The following DPP6 variants were observed in gnomAD, a reference collection of about 807,000 sequenced individuals.
DPP6 encodes dipeptidyl peptidase like 6.
A neutral mutation model predicts 122.6 loss-of-function variants in DPP6; 69 were observed. The ratio of observed to expected loss-of-function variants is 0.56; its 90% CI spans 0.46 to 0.69. The LOEUF (loss-of-function observed/expected upper bound fraction) is 0.69. DPP6 is among the 30% of genes least tolerant of loss of function. DPP6 has a pLI of 0.00. For synonymous variants in DPP6, 418 were observed against 433.1 expected, an observed-to-expected ratio of 0.97 and a Z score of 0.43; for missense variants, 928 against 1,116.9, an observed-to-expected ratio of 0.83 and a Z score of 2.41.
intron 5 of DPP6, among the ~76,000 whole-genome samples, chr7:154,610,673 G>GTT (rs879735197): frequency 1.2e-4 from 18 of 146,526 alleles, no homozygotes; most frequent in Non-Finnish European, 2.6e-4. Context: ...TCCAATTTAT[G>GTT]TTTTTTTTTT....
At chr7:154,586,061 C>T (rs1832425137) in intron 5 of DPP6, among the ~76,000 whole-genome samples, 1 of 151,946 alleles carries the variant, frequency 6.6e-6, no homozygotes, top group South Asian at 2.1e-4. Flanking sequence ...ACCTGGAGCA[C>T]AGTATATGCA....
chr7:154,856,149 A>C (rs1271320019), intron 17 of DPP6, among the ~76,000 whole-genome samples: 1 of 152,256 alleles, frequency 6.6e-6, no homozygotes, highest in Non-Finnish European at 1.5e-5. Flanking sequence ...AAAACACAAA[A>C]GTATCTTTCA....
intron 17 of DPP6, among the ~76,000 whole-genome samples, chr7:154,867,180 G>C (rs1388044363): frequency 6.6e-6 from 1 of 152,156 alleles, no homozygotes; most frequent in Non-Finnish European, 1.5e-5. Flanking sequence ...CCATGTGTAG[G>C]CTTAGTGTGA....
intron 1 of DPP6, among the ~76,000 whole-genome samples, chr7:154,325,964 T>C (rs1364562919): frequency 6.6e-6 from 1 of 152,170 alleles, no homozygotes; most frequent in African/African-American, 2.4e-5. Flanking sequence ...CCTGACACTT[T>C]TATTGACCAA....
At chr7:154,163,667 A>T (rs1289861994) in intron 1 of DPP6, among the ~76,000 whole-genome samples, 1 of 152,142 alleles carries the variant, frequency 6.6e-6, no homozygotes, top group Non-Finnish European at 1.5e-5. Context: ...TATACAGCAA[A>T]TTATTTTTCC....
chr7:154,805,471 G>C (rs1798641492), intron 15 of DPP6, among the ~76,000 whole-genome samples: 1 of 152,024 alleles, frequency 6.6e-6, no homozygotes, highest in Non-Finnish European at 1.5e-5. Context: ...GCAGTCTAAA[G>C]TTATTTGGGA....
intron 8 of DPP6, among the ~76,000 whole-genome samples, chr7:154,750,907 C>A (rs1216570605): frequency 6.6e-6 from 1 of 152,036 alleles, no homozygotes; most frequent in African/African-American, 2.4e-5. Context: ...GCTGCACAGG[C>A]GCTGAGGGGA....
At chr7:154,549,715 T>C (rs1423528591) in intron 4 of DPP6, among the ~76,000 whole-genome samples, 1 of 152,202 alleles carries the variant, frequency 6.6e-6, no homozygotes, top group African/African-American at 2.4e-5. Context: ...CAAGAAGTCA[T>C]GTCCCTGAGT....
chr7:154,073,926 C>T (rs1251803039), intron 1 of DPP6, among the ~76,000 whole-genome samples: 1 of 152,184 alleles, frequency 6.6e-6, no homozygotes, highest in African/African-American at 2.4e-5. Flanking sequence ...GAGGAGGTTG[C>T]AGTGAGCTGA....
intron 5 of DPP6, among the ~76,000 whole-genome samples, chr7:154,612,841 G>A (rs180823599): frequency 1.6e-4 from 20 of 125,548 alleles, no homozygotes; most frequent in Non-Finnish European, 5.4e-5. Flanking sequence ...ATTCTAATAG[G>A]ACTTGTCTTA....
intron 8 of DPP6, among the ~76,000 whole-genome samples, chr7:154,758,487 T>C (rs1001362980): frequency 1.3e-5 from 2 of 151,498 alleles, no homozygotes; most frequent in Non-Finnish European, 1.5e-5. Context: ...TTCTCCTGCC[T>C]CAGCCTCCTG....
At chr7:153,944,664 GTT>G (rs139824215) in intron 1 of DPP6, among the ~76,000 whole-genome samples, 8 of 106,996 alleles carry the variant, frequency 7.5e-5, no homozygotes, top group African/African-American at 1.5e-4. Flanking sequence ...TTTTGTGTGG[GTT>G]TTTTTTTTTT....
intron 1 of DPP6, among the ~76,000 whole-genome samples, chr7:154,259,476 G>A (rs1802859982): frequency 6.6e-6 from 1 of 152,150 alleles, no homozygotes; most frequent in African/African-American, 2.4e-5. Flanking sequence ...AGGCAATTCC[G>A]GAAGAAATGA....
chr7:154,375,230 A>C (rs951334976), intron 1 of DPP6, among the ~76,000 whole-genome samples: 1 of 151,960 alleles, frequency 6.6e-6, no homozygotes, highest in Non-Finnish European at 1.5e-5. Flanking sequence ...TGCCAGGGGA[A>C]ATATTCCAAG....
chr7:154,413,477 A>G (rs1031947032), intron 1 of DPP6, among the ~76,000 whole-genome samples: 2 of 152,236 alleles, frequency 1.3e-5, no homozygotes, highest in Non-Finnish European at 2.9e-5. Context: ...CCATTTCACC[A>G]TCTTTTATTC....
At chr7:154,248,818 A>G (rs1802157474) in intron 1 of DPP6, among the ~76,000 whole-genome samples, 1 of 152,002 alleles carries the variant, frequency 6.6e-6, no homozygotes. Flanking sequence ...GTGAGCCGAG[A>G]TTGCGCCACT....
At chr7:154,266,077 G>A (rs563790656) in intron 1 of DPP6, among the ~76,000 whole-genome samples, 148 of 152,230 alleles carry the variant, frequency 9.7e-4, no homozygotes, top group African/African-American at 3.2e-3. Context: ...TGGAGATCTG[G>A]TCTATGATGA....
chr7:154,018,214 T>C (rs1004506797), intron 1 of DPP6, among the ~76,000 whole-genome samples: 4 of 151,856 alleles, frequency 2.6e-5, no homozygotes, highest in African/African-American at 9.7e-5. Context: ...GGTTGCTTTC[T>C]TTGGAATTGA....
chr7:154,616,251 A>T (rs1191943024), intron 5 of DPP6, among the ~76,000 whole-genome samples: 2 of 152,148 alleles, frequency 1.3e-5, no homozygotes, highest in Admixed American at 1.3e-4. Flanking sequence ...TCTGGAGCTG[A>T]TTCACAGCTC....
Sources: allele counts gnomAD v4.1 joint callset (sites outside exome capture counted in the v4.1 genomes callset), GRCh38; gene constraint gnomAD v4.1.1; transcripts MANE v1.5; gene names NCBI Gene and HGNC (gene_info 2026-07-23, HGNC 2026-07-21).